The following PGCKA1 variants were observed in gnomAD, a reference collection of about 807,000 sequenced individuals.
PGCKA1 encodes PDCD10 and GCKIII kinases associated 1, also known as PDCD10 and GCKIII kinases-associated protein 1.
At chr4:37,553,767 T>A in the PGCKA1 span, among the ~76,000 whole-genome samples, 1 of 152,244 alleles carries the variant, frequency 6.6e-6, no homozygotes, top group African/African-American at 2.4e-5. Flanking sequence ...TTGCCAATGA[T>A]ATTTTTAAGT....
chr4:37,573,365 CTG>C, the PGCKA1 span, among the ~76,000 whole-genome samples: 1 of 152,198 alleles, frequency 6.6e-6, no homozygotes, highest in South Asian at 2.1e-4. Flanking sequence ...GACAAGGACT[CTG>C]TGAGCAAGTT....
chr4:37,485,039 T>C, the PGCKA1 span, among the ~76,000 whole-genome samples: 1 of 152,210 alleles, frequency 6.6e-6, no homozygotes, highest in Non-Finnish European at 1.5e-5. Context: ...TTGCATGCTA[T>C]TTTATATTCT....
chr4:37,532,489 A>G, the PGCKA1 span, among the ~76,000 whole-genome samples: 2 of 150,980 alleles, frequency 1.3e-5, no homozygotes, highest in Admixed American at 1.3e-4. Context: ...CTGTGAAATC[A>G]GTCCTCTAAA....
At chr4:37,576,180 T>C in the PGCKA1 span, among the ~76,000 whole-genome samples, 2 of 152,148 alleles carry the variant, frequency 1.3e-5, no homozygotes, top group African/African-American at 2.4e-5. Flanking sequence ...TTGGGTAGTA[T>C]GGACATTTTA....
At chr4:37,482,903 A>C in the PGCKA1 span, among the ~76,000 whole-genome samples, 1 of 152,164 alleles carries the variant, frequency 6.6e-6, no homozygotes, top group Non-Finnish European at 1.5e-5. Flanking sequence ...TAAGACTTTG[A>C]GGGACTATTG....
the PGCKA1 span, among the ~76,000 whole-genome samples, chr4:37,564,209 G>T: frequency 6.6e-6 from 1 of 150,984 alleles, no homozygotes; most frequent in Admixed American, 6.6e-5. Flanking sequence ...GGGAGTCGGA[G>T]GTTGCAGTGA....
the PGCKA1 span, among the ~76,000 whole-genome samples, chr4:37,539,425 G>A: frequency 6.6e-6 from 1 of 152,182 alleles, no homozygotes; most frequent in African/African-American, 2.4e-5. Context: ...GGGAGGCCAA[G>A]GTGGGCAAAT....
the PGCKA1 span, among the ~76,000 whole-genome samples, chr4:37,589,536 T>C: frequency 6.6e-6 from 1 of 152,192 alleles, no homozygotes; most frequent in African/African-American, 2.4e-5. Flanking sequence ...TTTTATTTGT[T>C]TTTTATTTTA....
At chr4:37,511,794 G>A in the PGCKA1 span, among the ~76,000 whole-genome samples, 199 of 152,298 alleles carry the variant, frequency 1.3e-3, 4 homozygotes, top group East Asian at 0.029. Context: ...GGTCAGAGTC[G>A]TGAGGACCCC....
the PGCKA1 span, among the ~76,000 whole-genome samples, chr4:37,574,690 C>T: frequency 6.6e-6 from 1 of 152,006 alleles, no homozygotes; most frequent in African/African-American, 2.4e-5. Context: ...AAATACCAGG[C>T]CTTATTCTTT....
the PGCKA1 span, among the ~76,000 whole-genome samples, chr4:37,513,874 C>A: frequency 1.3e-5 from 2 of 152,102 alleles, no homozygotes; most frequent in Non-Finnish European, 2.9e-5. Context: ...GTCCGTTTAG[C>A]GATCATTCAG....
At chr4:37,554,698 T>C in the PGCKA1 span, among the ~76,000 whole-genome samples, 3 of 152,242 alleles carry the variant, frequency 2.0e-5, no homozygotes, top group African/African-American at 7.2e-5. Context: ...TTTTTCAAAG[T>C]CTTCCTGGAG....
chr4:37,513,911 G>A, the PGCKA1 span, among the ~76,000 whole-genome samples: 1 of 152,150 alleles, frequency 6.6e-6, no homozygotes, highest in Admixed American at 6.5e-5. Context: ...ATCGAAAAAT[G>A]GTATATTGAG....
At chr4:37,583,028 A>G in the PGCKA1 span, among the ~76,000 whole-genome samples, 1 of 152,162 alleles carries the variant, frequency 6.6e-6, no homozygotes, top group Non-Finnish European at 1.5e-5. Flanking sequence ...TGTAAGGTAG[A>G]GTGTTCCCTT....
the PGCKA1 span, among the ~76,000 whole-genome samples, chr4:37,494,161 C>G: frequency 1.3e-5 from 2 of 152,044 alleles, no homozygotes; most frequent in Admixed American, 1.3e-4. Context: ...ATTTTAAGTA[C>G]ATGTAGAGGT....
At chr4:37,566,610 G>C in the PGCKA1 span, among the ~76,000 whole-genome samples, 33 of 151,946 alleles carry the variant, frequency 2.2e-4, no homozygotes, top group South Asian at 6.6e-3. Flanking sequence ...TTGAGACAGA[G>C]CCTTGCTCCA....
At chr4:37,565,035 A>C in the PGCKA1 span, among the ~76,000 whole-genome samples, 2 of 152,142 alleles carry the variant, frequency 1.3e-5, no homozygotes, top group African/African-American at 4.8e-5. Flanking sequence ...TGTCTGCTCC[A>C]AACAGGAGCC....
the PGCKA1 span, among the ~76,000 whole-genome samples, chr4:37,512,961 G>A: frequency 1.3e-5 from 2 of 152,090 alleles, no homozygotes; most frequent in African/African-American, 4.8e-5. Context: ...AGTGGCACAC[G>A]CCTGTAATCC....
At chr4:37,579,638 T>C in the PGCKA1 span, among the ~76,000 whole-genome samples, 1 of 152,248 alleles carries the variant, frequency 6.6e-6, no homozygotes, top group Non-Finnish European at 1.5e-5. Context: ...AAAAGTCTGC[T>C]GCCAGATGTA....
Sources: gnomAD v4.1 joint callset for allele counts (sites outside exome capture counted in the v4.1 genomes callset) on GRCh38, gnomAD v4.1.1 for gene constraint, MANE v1.5 for transcripts, NCBI Gene and HGNC (gene_info 2026-07-23, HGNC 2026-07-21) for gene names.